GRID1: variants seen among roughly 807,000 people sequenced by gnomAD.
GRID1 encodes the protein glutamate receptor ionotropic, delta-1.
Under a neutral mutation model 98.0 loss-of-function variants are expected in GRID1, and 28 were observed. The observed-to-expected ratio is 0.29, with a 90% confidence interval of 0.21 to 0.39. The LOEUF (loss-of-function observed/expected upper bound fraction) is 0.39. GRID1 is among the 10% of genes least tolerant of loss of function. GRID1 has a pLI of 1.00. For missense variants in GRID1, 1,111 were observed against 1,340.5 expected, an observed-to-expected ratio of 0.83 and a Z score of 2.67; for synonymous variants, 553 against 538.5, an observed-to-expected ratio of 1.03 and a Z score of -0.37.
At chr10:85,953,053 T>C (rs1842145348) in intron 4 of GRID1, among the ~76,000 whole-genome samples, 1 of 152,200 alleles carries the variant, frequency 6.6e-6, no homozygotes, top group Non-Finnish European at 1.5e-5. Flanking sequence ...AAACACAGTA[T>C]GTGTTAATTT....
intron 2 of GRID1, among the ~76,000 whole-genome samples, chr10:86,306,144 C>T (rs979536955): frequency 4.6e-5 from 7 of 152,210 alleles, no homozygotes; most frequent in Non-Finnish European, 1.0e-4. Flanking sequence ...ACCCTTTAGT[C>T]AAGGCTTTGG....
intron 5 of GRID1, among the ~76,000 whole-genome samples, chr10:85,901,812 C>T (rs1222227535): frequency 2.0e-5 from 3 of 152,118 alleles, no homozygotes; most frequent in Admixed American, 1.3e-4. Flanking sequence ...CTGCAAACAC[C>T]GTCTCCACAG....
chr10:85,748,525 T>C (rs1414262663), intron 8 of GRID1, among the ~76,000 whole-genome samples: 1 of 152,230 alleles, frequency 6.6e-6, no homozygotes, highest in Non-Finnish European at 1.5e-5. Flanking sequence ...TTTGGCAGAA[T>C]GAATTTGGGC....
At chr10:86,029,398 G>A (rs1259472992) in intron 4 of GRID1, among the ~76,000 whole-genome samples, 2 of 152,148 alleles carry the variant, frequency 1.3e-5, no homozygotes, top group Non-Finnish European at 2.9e-5. Flanking sequence ...ACCCATGTCT[G>A]AGCTCACCTT....
chr10:86,142,755 G>C (rs1471521043), intron 3 of GRID1, among the ~76,000 whole-genome samples: 1 of 152,216 alleles, frequency 6.6e-6, no homozygotes, highest in East Asian at 1.9e-4. Context: ...GGACACCCAT[G>C]TGGCCCCAGG....
chr10:86,055,122 G>A (rs887828042), intron 4 of GRID1, among the ~76,000 whole-genome samples: 9 of 152,146 alleles, frequency 5.9e-5, no homozygotes, highest in African/African-American at 2.2e-4. Flanking sequence ...CCTCACCCAC[G>A]ATCAGCCAAG....
In GRID1 at chr10:86,157,399, G is replaced by A. The variant is rs577477767; in HGVS notation, c.521-18375C>T. ...AATGCCCTCCAAGCAGGAAAAGGGG[G>A]CATTTCCAGTAAGCAGGGTGGCCAA... On this transcript the variant is annotated intron_variant, in intron 3 of 15. Transcript: ENST00000327946. 1.7e-4 allele frequency among the ~76,000 whole-genome samples: 26 copies of A among 152,290 alleles called. No individual in the cohort carries two copies. The South Asian group carries it at 5.4e-3, about 32-fold the overall frequency.
At chr10:85,743,105 G>GGCC (rs1841961027) in intron 8 of GRID1, among the ~76,000 whole-genome samples, 1 of 82,672 alleles carries the variant, frequency 1.2e-5, no homozygotes, top group Admixed American at 1.8e-4. Flanking sequence ...GAATTATGCA[G>GGCC]CCCCCCCCCC....
intron 5 of GRID1, among the ~76,000 whole-genome samples, chr10:85,876,793 A>G (rs1026648097): frequency 2.3e-4 from 35 of 152,210 alleles, no homozygotes; most frequent in Non-Finnish European, 4.3e-4. Flanking sequence ...TGCCAGCCGA[A>G]GGAGGGCGAG....
chr10:85,844,304 T>C (rs1842986474), intron 8 of GRID1, among the ~76,000 whole-genome samples: 1 of 151,990 alleles, frequency 6.6e-6, no homozygotes, highest in Non-Finnish European at 1.5e-5. Context: ...GTTAGGTCCA[T>C]GTGGTCATAA....
At chr10:85,844,289 T>TA (rs1842986375) in intron 8 of GRID1, among the ~76,000 whole-genome samples, 1 of 151,782 alleles carries the variant, frequency 6.6e-6, no homozygotes, top group Admixed American at 6.6e-5. Flanking sequence ...GGCAGGGAGG[T>TA]ATGAGTTAGG....
At chr10:86,148,011 C>T (rs1171862277) in intron 3 of GRID1, among the ~76,000 whole-genome samples, 1 of 152,332 alleles carries the variant, frequency 6.6e-6, no homozygotes, top group Non-Finnish European at 1.5e-5. Flanking sequence ...CCATAGTTTC[C>T]CCCCTCCTCC....
chr10:85,857,562 G>T (rs928052730), intron 6 of GRID1, among the ~76,000 whole-genome samples: 2 of 152,156 alleles, frequency 1.3e-5, no homozygotes, highest in Admixed American at 1.3e-4. Context: ...GAGAAGGGAA[G>T]GCGGTGAGGG....
intron 3 of GRID1, among the ~76,000 whole-genome samples, chr10:86,200,362 C>G (rs1044131615): frequency 6.6e-6 from 1 of 152,092 alleles, no homozygotes; most frequent in Non-Finnish European, 1.5e-5. Flanking sequence ...TCAGTTGCCA[C>G]CAAGGAAAAG....
chr10:86,104,379 C>T (rs1844348359), intron 4 of GRID1, among the ~76,000 whole-genome samples: 1 of 152,188 alleles, frequency 6.6e-6, no homozygotes, highest in African/African-American at 2.4e-5. Flanking sequence ...ACAGGCATCC[C>T]ACACCTGTTT....
chr10:85,907,309 G>A (rs1464680485), intron 5 of GRID1, among the ~76,000 whole-genome samples: 3 of 152,122 alleles, frequency 2.0e-5, no homozygotes, highest in Non-Finnish European at 1.5e-5. Context: ...ATGGGGTTTC[G>A]CCATGTTGGC....
chr10:85,832,722 A>G (rs1284974680), intron 8 of GRID1, among the ~76,000 whole-genome samples: 1 of 152,198 alleles, frequency 6.6e-6, no homozygotes, highest in Admixed American at 6.5e-5. Flanking sequence ...ACGGCCCCCA[A>G]CAACATAAAA....
At chr10:85,886,703 G>A (rs1841122700) in intron 5 of GRID1, among the ~76,000 whole-genome samples, 1 of 152,090 alleles carries the variant, frequency 6.6e-6, no homozygotes, top group Non-Finnish European at 1.5e-5. Flanking sequence ...TTATAATGAA[G>A]GGAAATTTTC....
At chr10:85,742,720 A>T (rs1040100406) in intron 8 of GRID1, among the ~76,000 whole-genome samples, 4 of 152,070 alleles carry the variant, frequency 2.6e-5, no homozygotes, top group Admixed American at 2.6e-4. Flanking sequence ...CCCATCCCAC[A>T]TGCTCTTCTG....
Sources: gnomAD v4.1 joint callset for allele counts (sites outside exome capture counted in the v4.1 genomes callset) on GRCh38, gnomAD v4.1.1 for gene constraint, MANE v1.5 for transcripts, NCBI Gene and HGNC (gene_info 2026-07-23, HGNC 2026-07-21) for gene names.